USP48: variants seen among roughly 807,000 people sequenced by gnomAD.
USP48 encodes ubiquitin carboxyl-terminal hydrolase 48.
In USP48, 43 loss-of-function variants were observed where a neutral mutation model predicts 150.7. The observed-to-expected ratio is 0.29, with a 90% CI of 0.22 to 0.37. The LOEUF is 0.37. Among genes scored for constraint, USP48 ranks in the 10% least tolerant of loss-of-function variants. USP48 has a pLI of 1.00. For synonymous variants in USP48, 396 were observed against 425.9 expected (o/e 0.93, Z 0.86); for missense variants, 813 against 1,249.6 (o/e 0.65, Z 5.27).
chr1:21,712,717 C>T (rs1226551723), intron 15 of USP48, among the ~76,000 whole-genome samples: 2 of 151,536 alleles, frequency 1.3e-5, no homozygotes, highest in African/African-American at 4.9e-5. Context: ...CAACCTCCGC[C>T]TCCTGGGTTC....
At chr1:21,709,203 C>T (rs1157175445) in intron 15 of USP48, among the ~76,000 whole-genome samples, 1 of 152,022 alleles carries the variant, frequency 6.6e-6, no homozygotes, top group Non-Finnish European at 1.5e-5. Context: ...TTTATAATAC[C>T]TCAGAATGCA....
chr1:21,712,681 T>C (rs1169395583), intron 15 of USP48, among the ~76,000 whole-genome samples: 1 of 149,656 alleles, frequency 6.7e-6, no homozygotes, highest in Non-Finnish European at 1.5e-5. Context: ...TAGGCTAGAA[T>C]GCAGGGGTGC....
At chr1:21,767,487 G>C (rs902642256) in intron 1 of USP48, among the ~76,000 whole-genome samples, 1 of 151,910 alleles carries the variant, frequency 6.6e-6, no homozygotes, top group Non-Finnish European at 1.5e-5. Flanking sequence ...ACCATGCCCG[G>C]CTAATTTTTG....
rs2097708645 is a variant in USP48, at chr1:21,717,704, T to C, written c.1895-2247A>G. Among the ~76,000 whole-genome samples the C allele has an allele frequency of 2.0e-5, 3 of 152,194 alleles. No homozygotes were observed. In the South Asian group the frequency reaches 6.2e-4, roughly 32 times the overall value. ...CGGGCACGGTGGCTCATGCCTGTAA[T>C]CCCAGCACTTTGGAGGGCTGAGGTG... On this transcript the variant is annotated intron_variant, in intron 14 of 26. Coordinates refer to ENST00000308271, the MANE Select transcript of USP48 (RefSeq NM_032236.8).
intron 25 of USP48, 120 bp downstream of exon 25, chr1:21,687,071 T>C (rs1323390902): frequency 8.8e-6 from 8 of 905,580 alleles, no homozygotes; most frequent in Non-Finnish European, 1.4e-5. Flanking sequence ...ACTGTAACAA[T>C]ATGTGGAAGC....
intron 8 of USP48, among the ~76,000 whole-genome samples, chr1:21,742,642 G>C (rs1201505420): frequency 1.3e-5 from 2 of 152,058 alleles, no homozygotes; most frequent in Non-Finnish European, 2.9e-5. Context: ...CAGAGCGGTA[G>C]AAATAAAAAG....
At chr1:21,736,720 G>T in intron 8 of USP48, 95 bp from the exon 9 acceptor site, 1 of 1,087,422 alleles carries the variant, frequency 9.2e-7, no homozygotes, top group Non-Finnish European at 1.2e-6. Context: ...CTTTACACAT[G>T]TGGTATAACT....
intron 1 of USP48, among the ~76,000 whole-genome samples, chr1:21,780,983 G>A (rs1269874482): frequency 2.0e-5 from 3 of 150,418 alleles, no homozygotes; most frequent in African/African-American, 4.9e-5. Flanking sequence ...CTCGTGATCC[G>A]CCCATCTCGG....
At position 21,746,097 on chromosome 1, in the gene USP48, C is replaced by G. The variant is rs2097793818; in HGVS notation, c.991+970G>C. On this transcript the variant is annotated intron_variant, in intron 8 of 26. Transcript: ENST00000308271. ...ACAGCTTGCTTCCATTGTAAGCTGC[C>G]TCCAGAAATGTCTCTTAAAGGTTTT... Among the ~76,000 whole-genome samples, 3 of 152,156 alleles carry G rather than the reference C, an allele frequency of 2.0e-5. No individual in the cohort carries two copies. The South Asian group carries it at 6.2e-4, about 31-fold the overall frequency.
At chr1:21,775,686 G>A (rs1176011910) in intron 1 of USP48, among the ~76,000 whole-genome samples, 1 of 152,132 alleles carries the variant, frequency 6.6e-6, no homozygotes, top group Non-Finnish European at 1.5e-5. Flanking sequence ...TCCCTAATGA[G>A]AACAAAACAG....
intron 14 of USP48, among the ~76,000 whole-genome samples, chr1:21,717,804 A>G (rs2097708874): frequency 6.6e-6 from 1 of 152,068 alleles, no homozygotes; most frequent in Non-Finnish European, 1.5e-5. Context: ...AAATACAAAA[A>G]TTAGCCCACT....
chr1:21,695,171 G>T lies in USP48; in HGVS notation c.2778C>A (p.Ala926=), dbSNP rs752337059. 3.7e-6 allele frequency: 6 copies of T among 1,613,146 alleles called. No individual in the cohort carries two copies. In the Admixed American group the frequency reaches 1.0e-4, roughly 27 times the overall value. The change falls in exon 23 of 27, where the codon GCC becomes GCA. Residue 926 remains alanine, a synonymous_variant. Coordinates refer to ENST00000308271, the MANE Select transcript of USP48 (RefSeq NM_032236.8). Reference sequence around the variant, plus strand: ...TTCGGCGAATAACTTGCTTTTGATAGGCTATATAATTTTGATGGGATATCT... The same window carrying T: ...TTCGGCGAATAACTTGCTTTTGATATGCTATATAATTTTGATGGGATATCT... ...RQKISHQNYI[A]YQKQVIRRSM... is the part of the protein sequence containing the mutation.
chr1:21,683,607 G>T (rs1178028249), intron 25 of USP48, among the ~76,000 whole-genome samples: 3 of 152,136 alleles, frequency 2.0e-5, no homozygotes, highest in Non-Finnish European at 2.9e-5. Flanking sequence ...GGTTGGTCCT[G>T]AACTCTTGGG....
intron 25 of USP48, among the ~76,000 whole-genome samples, chr1:21,683,346 A>C (rs2097571870): frequency 6.6e-6 from 1 of 152,234 alleles, no homozygotes; most frequent in South Asian, 2.1e-4. Context: ...TATAATGATC[A>C]CATCAGGGTA....
At chr1:21,778,440 C>T (rs773970864) in intron 1 of USP48, among the ~76,000 whole-genome samples, 8 of 151,712 alleles carry the variant, frequency 5.3e-5, no homozygotes, top group Non-Finnish European at 7.4e-5. Flanking sequence ...TGTAAAATAG[C>T]GCAGCCACTC....
rs147019343 is a variant in USP48 at position 21,774,990 on chromosome 1, A to AAAATAAAT, written c.134+7826_134+7833dup. 2.9e-3 allele frequency among the ~76,000 whole-genome samples: 423 copies of AAAATAAAT among 146,144 alleles called. 2 individuals carry two copies. The highest frequency in any genetic ancestry group is 6.9e-3 in the Middle Eastern group (2 of 288). The stretch of plus-strand genomic sequence containing the variant: ...TGGGCAACAAAGCTAGACTCTCTCA[A>AAAATAAAT]AAATAAATAAATAAATAAATAAATA... On this transcript the variant is annotated intron_variant, in intron 1 of 26. Coordinates refer to ENST00000308271, the MANE Select transcript of USP48 (RefSeq NM_032236.8).
chr1:21,746,817 C>T (rs537159304), intron 8 of USP48, among the ~76,000 whole-genome samples: 1 of 152,168 alleles, frequency 6.6e-6, no homozygotes, highest in African/African-American at 2.4e-5. Flanking sequence ...TCATTTTTTA[C>T]AAATTATTTT....
At chr1:21,778,057 C>T (rs1418932323) in intron 1 of USP48, among the ~76,000 whole-genome samples, 4 of 150,288 alleles carry the variant, frequency 2.7e-5, no homozygotes, top group South Asian at 2.1e-4. Flanking sequence ...GCAGGAGAAT[C>T]GCTTGAACCT....
chr1:21,779,545 C>CA (rs1160288022), intron 1 of USP48, among the ~76,000 whole-genome samples: 15 of 146,886 alleles, frequency 1.0e-4, no homozygotes, highest in East Asian at 2.0e-4. Flanking sequence ...GACTCCGTCT[C>CA]AAAAAAAAAA....
Sources: gnomAD v4.1 joint callset for allele counts (sites outside exome capture counted in the v4.1 genomes callset) on GRCh38, gnomAD v4.1.1 for gene constraint, MANE v1.5 for transcripts, NCBI Gene and HGNC (gene_info 2026-07-23, HGNC 2026-07-21) for gene names.